Variants in MCPH1 observed in about 807,000 individuals in gnomAD.
MCPH1 encodes microcephalin.
A neutral mutation model predicts 84.5 loss-of-function variants in MCPH1; 104 were observed. The observed-to-expected ratio is 1.23, with a 90% CI of 1.05 to 1.45. MCPH1 has a LOEUF of 1.45. Ranked by LOEUF, MCPH1 falls within the 40% of genes most tolerant of loss-of-function variation. The pLI is 0.00. For missense variants in MCPH1, 1,498 were observed against 1,005.7 expected (o/e 1.49, Z -6.62); for synonymous variants, 514 against 366.8 (o/e 1.40, Z -4.58).
At chr8:6,613,584 G>C (rs1830493325) in intron 12 of MCPH1, among the ~76,000 whole-genome samples, 1 of 151,884 alleles carries the variant, frequency 6.6e-6, no homozygotes, top group African/African-American at 2.4e-5. Flanking sequence ...AGCTGCAAGG[G>C]ATTCTGCAGT....
At chr8:6,508,818 T>A (rs1447360122) in intron 12 of MCPH1, 2 of 1,410,806 alleles carry the variant, frequency 1.4e-6, no homozygotes, top group African/African-American at 2.8e-5. Flanking sequence ...TGTGTCTACG[T>A]ATGAAATTGT....
At chr8:6,629,994 C>G (rs1002758172) in intron 13 of MCPH1, among the ~76,000 whole-genome samples, 1 of 152,142 alleles carries the variant, frequency 6.6e-6, no homozygotes, top group Non-Finnish European at 1.5e-5. Context: ...CACAAACTTC[C>G]CCAGTTTGGA....
At chr8:6,569,384 A>G (rs1467082310) in intron 12 of MCPH1, among the ~76,000 whole-genome samples, 1 of 152,204 alleles carries the variant, frequency 6.6e-6, no homozygotes, top group Non-Finnish European at 1.5e-5. Context: ...GCCATTTTGC[A>G]AAAGTGTTGC....
At chr8:6,590,776 G>A (rs1416634208) in intron 12 of MCPH1, among the ~76,000 whole-genome samples, 1 of 152,242 alleles carries the variant, frequency 6.6e-6, no homozygotes, top group Non-Finnish European at 1.5e-5. Context: ...CTGCTTCAAA[G>A]ATGAGAAAAT....
chr8:6,532,396 A>T, intron 12 of MCPH1: 1 of 1,614,054 alleles, frequency 6.2e-7, no homozygotes, highest in East Asian at 2.2e-5. Context: ...GTTTGTCCCT[A>T]TTTCTATCAT....
intron 12 of MCPH1, among the ~76,000 whole-genome samples, chr8:6,594,321 G>A (rs868077793): frequency 8.5e-5 from 13 of 152,216 alleles, no homozygotes; most frequent in African/African-American, 2.7e-4. Context: ...GGTTTACCCA[G>A]GGCACCTCTG....
At chr8:6,475,714 ACTGGGGGC>A (rs991706935) in intron 9 of MCPH1, among the ~76,000 whole-genome samples, 22 of 152,264 alleles carry the variant, frequency 1.4e-4, no homozygotes, top group African/African-American at 5.1e-4. Context: ...CACCACCTTT[ACTGGGGGC>A]CAGGGCATTG....
chr8:6,632,781 C>G (rs1418916204), intron 13 of MCPH1, among the ~76,000 whole-genome samples: 2 of 151,794 alleles, frequency 1.3e-5, no homozygotes, highest in African/African-American at 4.8e-5. Flanking sequence ...TGCACTCCAG[C>G]CTAGGCAACA....
intron 12 of MCPH1, among the ~76,000 whole-genome samples, chr8:6,579,756 C>T (rs2515519): frequency 6.6e-6 from 1 of 152,086 alleles, no homozygotes; most frequent in Middle Eastern, 3.2e-3. Flanking sequence ...CCCCAAAGCA[C>T]GTGTCGCCAG....
chr8:6,423,377 G>A lies in MCPH1; in HGVS notation c.234-8122G>A, dbSNP rs201594503. Among the ~76,000 whole-genome samples the A allele has an allele frequency of 2.6e-5, 4 of 151,050 alleles. No homozygotes were observed. The East Asian group carries it at 7.9e-4, about 30-fold the overall frequency. ...AGACGGGGTTTCACCGTGTTAGCCA[G>A]GATGGTCTCCATCTCCTGATCTTGT... On this transcript the variant is annotated intron_variant, in intron 3 of 13. Transcript: ENST00000344683.
At chr8:6,571,958 A>C (rs1826693657) in intron 12 of MCPH1, among the ~76,000 whole-genome samples, 1 of 152,172 alleles carries the variant, frequency 6.6e-6, no homozygotes, top group East Asian at 1.9e-4. Context: ...AGTCTTTCCT[A>C]ATAATCCAGA....
chr8:6,496,362 T>A (rs1298276754), intron 11 of MCPH1, among the ~76,000 whole-genome samples: 1 of 152,082 alleles, frequency 6.6e-6, no homozygotes, highest in Non-Finnish European at 1.5e-5. Flanking sequence ...TGGCTGTAAA[T>A]ACAGATGAGG....
chr8:6,559,555 GCA>G (rs1825195846), intron 12 of MCPH1, among the ~76,000 whole-genome samples: 1 of 152,116 alleles, frequency 6.6e-6, no homozygotes, highest in Non-Finnish European at 1.5e-5. Context: ...TCCGTAGTAG[GCA>G]TCAACTTTAT....
intron 12 of MCPH1, among the ~76,000 whole-genome samples, chr8:6,612,661 C>T (rs1247432960): frequency 6.6e-6 from 1 of 152,238 alleles, no homozygotes; most frequent in Non-Finnish European, 1.5e-5. Context: ...CTGTTCCGAC[C>T]TCCCCTGCCT....
At chr8:6,588,887 A>C (rs912911172) in intron 12 of MCPH1, among the ~76,000 whole-genome samples, 1 of 152,218 alleles carries the variant, frequency 6.6e-6, no homozygotes, top group Non-Finnish European at 1.5e-5. Flanking sequence ...AAAGACTCGA[A>C]AGGGGGCTTT....
In MCPH1 at chr8:6,444,795, G is replaced by C; in HGVS notation, c.1073G>C (p.Arg358Thr). ...AGGAGTTCCTCAGTAAAGAGAAAAA[G>C]AGTATCACATGGCTCCCATTCACCT... ...RPRSSSVKRK[R>T]VSHGSHSPPK... Residue 358 changes from arginine to threonine, a missense_variant, in exon 8 of 14, where the codon AGA becomes ACA. Coordinates refer to ENST00000344683, the MANE Select transcript of MCPH1 (RefSeq NM_024596.5). 6.2e-7 allele frequency: 1 copy of C among 1,614,044 alleles called. No individual in the cohort carries two copies. Among genetic ancestry groups the C allele is most frequent in the South Asian group, 1.1e-5 (1 of 91,078 alleles).
chr8:6,425,476 C>T (rs1299116738), intron 3 of MCPH1, among the ~76,000 whole-genome samples: 1 of 152,122 alleles, frequency 6.6e-6, no homozygotes, highest in Non-Finnish European at 1.5e-5. Context: ...ACGGCATTAC[C>T]AGCAGTAAGT....
chr8:6,515,326 C>G (rs1490206998), intron 12 of MCPH1, among the ~76,000 whole-genome samples: 1 of 152,154 alleles, frequency 6.6e-6, no homozygotes, highest in Non-Finnish European at 1.5e-5. Flanking sequence ...ATGTGCAATA[C>G]TAATCAGATT....
At chr8:6,495,246 T>C (rs1373548126) in intron 11 of MCPH1, among the ~76,000 whole-genome samples, 17 of 152,228 alleles carry the variant, frequency 1.1e-4, no homozygotes, top group Admixed American at 1.1e-3. Context: ...AATAACTTCA[T>C]TGCTACACTA....
Sources: allele counts gnomAD v4.1 joint callset (sites outside exome capture counted in the v4.1 genomes callset), GRCh38; gene constraint gnomAD v4.1.1; transcripts MANE v1.5; gene names NCBI Gene and HGNC (gene_info 2026-07-23, HGNC 2026-07-21).